CD96: variants seen among roughly 807,000 people sequenced by gnomAD.
CD96 encodes the protein T-cell surface protein tactile.
Under a neutral mutation model 71.3 loss-of-function variants are expected in CD96, and 70 were observed. The observed-to-expected ratio is 0.98, with a 90% CI of 0.81 to 1.20. CD96 has a LOEUF of 1.20. Ranked by LOEUF, CD96 falls within the 50% of genes most tolerant of loss-of-function variation. The pLI is 0.00. For synonymous variants in CD96, 248 were observed against 233.0 expected (o/e 1.06, Z -0.59); for missense variants, 742 against 677.5 (o/e 1.10, Z -1.06).
intron 14 of CD96, among the ~76,000 whole-genome samples, chr3:111,665,133 T>C (rs1241429949): frequency 4.0e-5 from 6 of 151,802 alleles, no homozygotes; most frequent in Admixed American, 6.6e-5. Context: ...GTAAAGGGGG[T>C]AAATTGTTAA....
At chr3:111,655,259 T>C (rs945041731), downstream of CD96, among the ~76,000 whole-genome samples, 5 of 152,212 alleles carry the variant, frequency 3.3e-5, no homozygotes, top group Non-Finnish European at 7.3e-5. Flanking sequence ...TAGAAAAGTC[T>C]GACAAGCACT....
chr3:111,589,042 C>T (rs1486681253), intron 5 of CD96, among the ~76,000 whole-genome samples: 1 of 151,612 alleles, frequency 6.6e-6, no homozygotes, highest in Non-Finnish European at 1.5e-5. Flanking sequence ...GCTCCGCCTC[C>T]TGGGTTCACG....
intron 7 of CD96, among the ~76,000 whole-genome samples, chr3:111,605,961 A>T (rs934697461): frequency 2.6e-5 from 4 of 152,220 alleles, no homozygotes; most frequent in African/African-American, 9.6e-5. Flanking sequence ...CATTTAACCC[A>T]CATGTTCCTA....
At chr3:111,550,181 A>T (rs1162734820) in intron 2 of CD96, among the ~76,000 whole-genome samples, 2 of 152,200 alleles carry the variant, frequency 1.3e-5, no homozygotes, top group Non-Finnish European at 2.9e-5. Flanking sequence ...TTCTAAGAAG[A>T]TAAAATAGTT....
chr3:111,548,162 G>T (rs904278303), intron 2 of CD96, among the ~76,000 whole-genome samples: 1 of 152,158 alleles, frequency 6.6e-6, no homozygotes, highest in African/African-American at 2.4e-5. Flanking sequence ...AATTGAAGTG[G>T]TGCATAAGAA....
At chr3:111,659,295 C>T (rs535374417) in intron 14 of CD96, among the ~76,000 whole-genome samples, 26 of 152,204 alleles carry the variant, frequency 1.7e-4, no homozygotes, top group African/African-American at 6.0e-4. Context: ...ACCAGTCTAT[C>T]AATCTCTTAT....
chr3:111,575,581 T>A (rs1431953473), intron 3 of CD96, among the ~76,000 whole-genome samples: 1 of 152,252 alleles, frequency 6.6e-6, no homozygotes, highest in African/African-American at 2.4e-5. Flanking sequence ...TATAACTGTC[T>A]TAATCTATTT....
chr3:111,637,317 A>T, intron 11 of CD96, 56 bp downstream of exon 11: 1 of 935,422 alleles, frequency 1.1e-6, no homozygotes, highest in South Asian at 1.3e-5. Context: ...CTTTATTTGG[A>T]CACAGGTGTA....
In CD96 at chr3:111,600,793, A is replaced by G. The variant is rs145863419; in HGVS notation, c.966A>G (p.Thr322=). Reference sequence around the variant, plus strand: ...TTTTGGAACTGAAGTCTGTTTTAACAAGGGTACATAGTAATAAACCAGCCC... The same window carrying G: ...TTTTGGAACTGAAGTCTGTTTTAACGAGGGTACATAGTAATAAACCAGCCC... ...DGFLELKSVL[T]RVHSNKPAQS... Residue 322 remains threonine, a synonymous_variant, in exon 7 of 14, where the codon ACA becomes ACG. Transcript: ENST00000352690. 3.3e-3 allele frequency: 5,278 copies of G among 1,613,412 alleles called. 265 individuals are homozygous for G. The Admixed American group carries it at 0.082, about 25-fold the overall frequency.
rs368329409 is a variant in CD96, at chr3:111,624,366, A to G, written c.1283A>G (p.Asn428Ser). ...SNSSMTTRGF[N>S]YPWTSSGTDT... Reference sequence around the variant, plus strand: ...TCCAGTATGACTACCCGAGGCTTCAACTATCCCTGGACCTCCAGTGGGACA... The same window carrying G: ...TCCAGTATGACTACCCGAGGCTTCAGCTATCCCTGGACCTCCAGTGGGACA... The change falls in exon 10 of 14, where the codon AAC (asparagine) becomes AGC (serine). Residue 428 changes from asparagine to serine, a missense_variant. Coordinates refer to ENST00000352690, the MANE Select transcript of CD96 (RefSeq NM_005816.5). The G allele has an allele frequency of 7.4e-6, 12 of 1,612,678 alleles. No individual in the cohort carries two copies. The highest frequency in any genetic ancestry group is 9.3e-6 in the Non-Finnish European group (11 of 1,178,666).
At chr3:111,638,944 G>A (rs146210964) in intron 12 of CD96, among the ~76,000 whole-genome samples, 78 of 152,136 alleles carry the variant, frequency 5.1e-4, no homozygotes, top group Middle Eastern at 3.4e-3. Context: ...TGAAGGCAGT[G>A]GTCTCATTTT....
intron 12 of CD96, among the ~76,000 whole-genome samples, chr3:111,641,966 A>G (rs1423617176): frequency 6.6e-6 from 1 of 152,230 alleles, no homozygotes; most frequent in Non-Finnish European, 1.5e-5. Flanking sequence ...GTAATGACAC[A>G]ACCTATCGAA....
At chr3:111,627,386 G>A (rs1218508337) in intron 10 of CD96, among the ~76,000 whole-genome samples, 1 of 152,194 alleles carries the variant, frequency 6.6e-6, no homozygotes, top group Non-Finnish European at 1.5e-5. Flanking sequence ...GTTTTGTTAA[G>A]GAATGACCAG....
At chr3:111,643,693 C>A (rs1939696933) in intron 12 of CD96, among the ~76,000 whole-genome samples, 2 of 134,994 alleles carry the variant, frequency 1.5e-5, no homozygotes, top group Admixed American at 8.0e-5. Flanking sequence ...AGCAACCAAG[C>A]AGAGAATCAA....
At chr3:111,580,723 T>C (rs567669960) in intron 4 of CD96, among the ~76,000 whole-genome samples, 1 of 152,222 alleles carries the variant, frequency 6.6e-6, no homozygotes, top group South Asian at 2.1e-4. Flanking sequence ...TCCTCAGGGA[T>C]GGACTAGGCA....
intron 4 of CD96, among the ~76,000 whole-genome samples, chr3:111,581,817 A>G (rs1182731330): frequency 1.3e-5 from 2 of 152,238 alleles, no homozygotes; most frequent in African/African-American, 2.4e-5. Flanking sequence ...TTCAGGTTGT[A>G]TCTTGGTTTT....
At chr3:111,550,831 A>T (rs1023490429) in intron 2 of CD96, among the ~76,000 whole-genome samples, 1 of 152,184 alleles carries the variant, frequency 6.6e-6, no homozygotes, top group East Asian at 1.9e-4. Context: ...TGTGTTGAAC[A>T]TCCATTTGGG....
intron 10 of CD96, among the ~76,000 whole-genome samples, chr3:111,627,279 T>C (rs1938818021): frequency 6.6e-6 from 1 of 152,050 alleles, no homozygotes; most frequent in South Asian, 2.1e-4. Flanking sequence ...ATCACCTTGG[T>C]TGTTTGGATG....
rs1937458738 is a variant in CD96 at position 111,600,783 on chromosome 3, C to A, written c.956C>A (p.Ser319Tyr). ...KGKDGFLELKSVLTRVHSNKP... is the reference protein window; with the variant it reads ...KGKDGFLELKYVLTRVHSNKP... ...AAAGATGGATTTTTGGAACTGAAGT[C>A]TGTTTTAACAAGGGTACATAGTAAT... is the stretch of plus-strand genomic sequence containing the variant. The change falls in exon 7 of 14, where the codon TCT (serine) becomes TAT (tyrosine). Residue 319 changes from serine to tyrosine, a missense_variant. Physicochemically the swap from Ser to Tyr is moderately radical, Grantham distance 144. Transcript: ENST00000352690. 1 of 1,613,332 alleles carries A rather than the reference C, an allele frequency of 6.2e-7. No homozygotes were observed. Among genetic ancestry groups the A allele is most frequent in the South Asian group, 1.1e-5 (1 of 91,054 alleles).
Sources: gnomAD v4.1 joint callset for allele counts (sites outside exome capture counted in the v4.1 genomes callset) on GRCh38, gnomAD v4.1.1 for gene constraint, MANE v1.5 for transcripts, NCBI Gene and HGNC (gene_info 2026-07-23, HGNC 2026-07-21) for gene names.